LMO7: variants seen among roughly 807,000 people sequenced by gnomAD.
LMO7 encodes the protein LIM domain only protein 7.
A neutral mutation model predicts 206.5 loss-of-function variants in LMO7; 120 were observed. That is an observed-to-expected ratio of 0.58 (90% CI 0.50 to 0.68). The LOEUF is 0.68. Ranked by LOEUF, LMO7 falls within the 30% of genes least tolerant of loss-of-function variation. LMO7 has a pLI of 0.00. For missense variants in LMO7, 1,959 were observed against 1,957.9 expected, an observed-to-expected ratio of 1.00 and a Z score of -0.01; for synonymous variants, 706 against 681.5, an observed-to-expected ratio of 1.04 and a Z score of -0.56.
chr13:75,765,329 T>G (rs2048711753), intron 4 of LMO7, among the ~76,000 whole-genome samples: 2 of 151,586 alleles, frequency 1.3e-5, no homozygotes, highest in African/African-American at 2.4e-5. Context: ...TTTTTTTTTT[T>G]GCAAGTACAT....
At position 75,858,598 on chromosome 13, in the gene LMO7, G is replaced by T. The variant is rs1159476178; in HGVS notation, c.*655G>T. 6.6e-6 allele frequency: 1 copy of T among 152,580 alleles called. No individual in the cohort carries two copies. 9.5% of individuals were successfully genotyped at this position (152,580 alleles called of 1,614,324 possible). On this transcript the variant is annotated 3_prime_UTR_variant, in exon 31 of 31. Transcript: ENST00000377534. ...CATTAATGAAAAATAACCATGGTTTGTATACTAGAAGTCTTCTTCAGAAAC... is the reference window on the plus strand; with the variant it reads ...CATTAATGAAAAATAACCATGGTTTTTATACTAGAAGTCTTCTTCAGAAAC...
intron 11 of LMO7, among the ~76,000 whole-genome samples, chr13:75,813,389 T>A (rs954958292): frequency 6.6e-6 from 1 of 152,196 alleles, no homozygotes; most frequent in African/African-American, 2.4e-5. Flanking sequence ...CCAGTTCTCA[T>A]AACAATCCCT....
At chr13:75,825,766 T>C (rs148254978) in intron 15 of LMO7, among the ~76,000 whole-genome samples, 41 of 152,290 alleles carry the variant, frequency 2.7e-4, no homozygotes, top group African/African-American at 8.2e-4. Context: ...GATGTGAATG[T>C]GTGTGACAGC....
rs2040547213 is a variant in LMO7 at position 75,681,739 on chromosome 13, T to TATAC, written c.70-31440_70-31439insCATA. ...ATATGTATATATATATATATATATA[T>TATAC]ATATATATATGGAATCTTATTATTT... On this transcript the variant is annotated intron_variant, in intron 1 of 30. Transcript: ENST00000377534. Among the ~76,000 whole-genome samples the TATAC allele has an allele frequency of 5.8e-5, 8 of 139,032 alleles. No homozygotes were observed. The South Asian group carries it at 1.9e-3, about 33-fold the overall frequency. 91.2% of individuals were successfully genotyped at this position (139,032 alleles called of 152,430 possible).
chr13:75,815,288 G>A (rs917564221), intron 11 of LMO7, among the ~76,000 whole-genome samples: 2 of 152,144 alleles, frequency 1.3e-5, no homozygotes, highest in African/African-American at 4.8e-5. Context: ...TTGGATCAGG[G>A]TGTAATGGTG....
chr13:75,701,697 C>T (rs904615133), intron 1 of LMO7, among the ~76,000 whole-genome samples: 4 of 152,064 alleles, frequency 2.6e-5, no homozygotes, highest in Non-Finnish European at 5.9e-5. Context: ...GGATATTTTC[C>T]TTATTGTCTG....
At chr13:75,668,719 A>T (rs2039287114) in intron 1 of LMO7, among the ~76,000 whole-genome samples, 1 of 152,144 alleles carries the variant, frequency 6.6e-6, no homozygotes, top group Admixed American at 6.5e-5. Flanking sequence ...GGTTGGTCTA[A>T]TGGGAGCTAC....
chr13:75,688,826 C>T (rs1261472689), intron 1 of LMO7: 6 of 152,080 alleles, frequency 3.9e-5, no homozygotes, highest in South Asian at 2.1e-4. Context: ...TTCTTCAAAC[C>T]CATCACTGAT....
At chr13:75,741,447 A>G (rs181172931) in intron 3 of LMO7, among the ~76,000 whole-genome samples, 2 of 152,376 alleles carry the variant, frequency 1.3e-5, no homozygotes, top group Admixed American at 1.3e-4. Flanking sequence ...ACTCCTGGCC[A>G]TTGTCCTTGA....
At chr13:75,763,309 G>T (rs2048428843) in intron 4 of LMO7, among the ~76,000 whole-genome samples, 1 of 152,092 alleles carries the variant, frequency 6.6e-6, no homozygotes, top group Non-Finnish European at 1.5e-5. Context: ...AATATTAATA[G>T]TACTGGAGTT....
chr13:75,744,775 CA>C (rs1271219466), intron 3 of LMO7, among the ~76,000 whole-genome samples: 1 of 152,152 alleles, frequency 6.6e-6, no homozygotes, highest in African/African-American at 2.4e-5. Flanking sequence ...AAGGCAGAGT[CA>C]TAGCTGTAAA....
At chr13:75,783,934 C>T (rs112293713) in intron 4 of LMO7, among the ~76,000 whole-genome samples, 43 of 152,194 alleles carry the variant, frequency 2.8e-4, no homozygotes, top group Admixed American at 8.5e-4. Flanking sequence ...ATTTTAGACC[C>T]CTGGGAACCT....
At chr13:75,629,177 C>T (rs546710743) in intron 2 of LMO7, among the ~76,000 whole-genome samples, 1 of 152,146 alleles carries the variant, frequency 6.6e-6, no homozygotes. Flanking sequence ...GTTGAGAGAC[C>T]CTCCTGTAAG....
At chr13:75,697,446 C>T (rs978205344) in intron 1 of LMO7, among the ~76,000 whole-genome samples, 2 of 152,094 alleles carry the variant, frequency 1.3e-5, no homozygotes, top group African/African-American at 4.8e-5. Flanking sequence ...AAAGAGGAAA[C>T]CCCTTATAAA....
At chr13:75,636,142 C>T (rs2035800297), upstream of LMO7, 2 of 251,416 alleles carry the variant, frequency 8.0e-6, no homozygotes, top group Admixed American at 6.5e-5. Context: ...GGCCGCGGCC[C>T]CTGGCGGACT....
intron 11 of LMO7, among the ~76,000 whole-genome samples, chr13:75,816,586 A>G (rs919615894): frequency 2.6e-5 from 4 of 152,216 alleles, no homozygotes; most frequent in Non-Finnish European, 4.4e-5. Flanking sequence ...TTATAGAGGT[A>G]GTATAAAGGA....
At chr13:75,832,964 G>C (rs551852677) in intron 15 of LMO7, 87 bp from the exon 16 acceptor site, 3 of 723,116 alleles carry the variant, frequency 4.1e-6, no homozygotes, top group African/African-American at 3.5e-5. Context: ...TCTACCTAGC[G>C]TGCAGTCTCC....
At chr13:75,664,337 C>A (rs2038906223) in intron 1 of LMO7, among the ~76,000 whole-genome samples, 1 of 152,160 alleles carries the variant, frequency 6.6e-6, no homozygotes, top group African/African-American at 2.4e-5. Flanking sequence ...CCAGTTCCAT[C>A]CATGTTGTTT....
intron 1 of LMO7, among the ~76,000 whole-genome samples, chr13:75,701,911 A>G (rs2137914283): frequency 6.6e-6 from 1 of 152,196 alleles, no homozygotes; most frequent in East Asian, 1.9e-4. Context: ...CTTGTACATA[A>G]ATTGCCAGTC....
Sources: allele counts gnomAD v4.1 joint callset (sites outside exome capture counted in the v4.1 genomes callset), GRCh38; gene constraint gnomAD v4.1.1; transcripts MANE v1.5; gene names NCBI Gene and HGNC (gene_info 2026-07-23, HGNC 2026-07-21).